The following CSMD1 variants were observed in gnomAD, a reference collection of about 807,000 sequenced individuals.
CSMD1 encodes CUB and Sushi multiple domains 1, also known as CUB and sushi domain-containing protein 1.
CSMD1 carries 213 observed loss-of-function variants against 417.5 expected under a neutral mutation model. That is an observed-to-expected ratio of 0.51 (90% CI 0.46 to 0.57). The LOEUF is 0.57. Ranked by LOEUF, CSMD1 falls within the 20% of genes least tolerant of loss-of-function variation. The pLI, the probability that CSMD1 is intolerant of heterozygous loss-of-function variation, is 0.00. For missense variants in CSMD1, 6,923 were observed against 4,529.7 expected (o/e 1.53, Z -15.17); for synonymous variants, 2,862 against 1,736.8 (o/e 1.65, Z -16.11).
intron 3 of CSMD1, among the ~76,000 whole-genome samples, chr8:4,291,709 A>C (rs1421362343): frequency 6.6e-6 from 1 of 152,218 alleles, no homozygotes; most frequent in East Asian, 1.9e-4. Context: ...TAAAATTCAT[A>C]AACCCAGTCT....
chr8:3,498,920 T>C (rs552741568), intron 10 of CSMD1, among the ~76,000 whole-genome samples: 1 of 149,806 alleles, frequency 6.7e-6, no homozygotes, highest in Non-Finnish European at 1.5e-5. Flanking sequence ...GAATTGTCTA[T>C]TTTTATTCTA....
At chr8:4,089,949 T>C (rs1423294239) in intron 3 of CSMD1, among the ~76,000 whole-genome samples, 2 of 152,204 alleles carry the variant, frequency 1.3e-5, no homozygotes, top group South Asian at 2.1e-4. Flanking sequence ...TATTGTTGAA[T>C]ACGTTGCTGA....
chr8:4,738,903 T>TTGTGTGTGTGTGTGTGTGTG (rs34836566), intron 1 of CSMD1, among the ~76,000 whole-genome samples: 8,442 of 147,398 alleles, frequency 0.057, 263 homozygotes, highest in Admixed American at 0.066. Flanking sequence ...TTCTGTGTGT[T>TTGTGTGTGTGTGTGTGTGTG]TGTGTGTGTG....
chr8:2,981,885 G>A (rs2128940070), intron 54 of CSMD1, among the ~76,000 whole-genome samples: 1 of 152,276 alleles, frequency 6.6e-6, no homozygotes, highest in South Asian at 2.1e-4. Flanking sequence ...AAAGGCATCA[G>A]CATTCCTTGG....
chr8:4,454,783 A>C (rs950561126), intron 2 of CSMD1, among the ~76,000 whole-genome samples: 3 of 152,238 alleles, frequency 2.0e-5, no homozygotes, highest in African/African-American at 7.2e-5. Flanking sequence ...TTCTAAAGGC[A>C]CTTAAGCTAC....
chr8:3,453,566 T>C (rs747084291), intron 12 of CSMD1, among the ~76,000 whole-genome samples: 2 of 152,230 alleles, frequency 1.3e-5, no homozygotes, highest in Non-Finnish European at 1.5e-5. Flanking sequence ...CATTTCGTTA[T>C]GTACCAAGTA....
At chr8:3,581,685 T>G (rs7815248) in intron 9 of CSMD1, among the ~76,000 whole-genome samples, 10,920 of 152,256 alleles carry the variant, frequency 0.072, 1,212 homozygotes, top group African/African-American at 0.24. Flanking sequence ...CCAGGGGCAT[T>G]TTATTGCATT....
chr8:3,914,362 T>G (rs1188031873), intron 5 of CSMD1, among the ~76,000 whole-genome samples: 1 of 151,788 alleles, frequency 6.6e-6, no homozygotes, highest in Non-Finnish European at 1.5e-5. Context: ...CCCATTACGT[T>G]GGATAGATGT....
At chr8:4,352,522 C>T (rs1801156698) in intron 3 of CSMD1, among the ~76,000 whole-genome samples, 1 of 152,106 alleles carries the variant, frequency 6.6e-6, no homozygotes, top group South Asian at 2.1e-4. Context: ...TGAAATTTTC[C>T]AGTTGCAAAA....
intron 68 of CSMD1, among the ~76,000 whole-genome samples, chr8:2,944,847 C>T (rs992038452): frequency 6.6e-6 from 1 of 151,898 alleles, no homozygotes; most frequent in African/African-American, 2.4e-5. Context: ...ACCACAGTTA[C>T]TTTTTTTAAT....
At chr8:3,871,582 T>G (rs1186441260) in intron 5 of CSMD1, among the ~76,000 whole-genome samples, 1 of 152,204 alleles carries the variant, frequency 6.6e-6, no homozygotes, top group African/African-American at 2.4e-5. Context: ...ATAATTTTTA[T>G]ATATTAGGAA....
chr8:4,891,015 A>C (rs1214946761), intron 1 of CSMD1, among the ~76,000 whole-genome samples: 2 of 152,120 alleles, frequency 1.3e-5, no homozygotes, highest in Non-Finnish European at 1.5e-5. Context: ...CTCTCCAAAT[A>C]AATAGATATG....
chr8:3,281,527 C>T (rs1319663290), intron 26 of CSMD1, among the ~76,000 whole-genome samples: 1 of 152,106 alleles, frequency 6.6e-6, no homozygotes, highest in Non-Finnish European at 1.5e-5. Flanking sequence ...TCCGTACAGC[C>T]ATGAAAAGAC....
chr8:3,567,637 A>G (rs902431388), intron 10 of CSMD1, among the ~76,000 whole-genome samples: 2 of 151,912 alleles, frequency 1.3e-5, no homozygotes, highest in Non-Finnish European at 2.9e-5. Flanking sequence ...TATCAGCTCA[A>G]ATTCCCAGCC....
intron 1 of CSMD1, among the ~76,000 whole-genome samples, chr8:4,652,834 C>A (rs1471899010): frequency 6.6e-6 from 1 of 152,058 alleles, no homozygotes; most frequent in African/African-American, 2.4e-5. Context: ...AAAGACTGCA[C>A]AAACTAGATC....
chr8:3,081,719 G>A (rs1217731721), intron 49 of CSMD1, among the ~76,000 whole-genome samples: 1 of 152,144 alleles, frequency 6.6e-6, no homozygotes, highest in Non-Finnish European at 1.5e-5. Flanking sequence ...ATTTATTACA[G>A]CAGATAGTCT....
intron 10 of CSMD1, among the ~76,000 whole-genome samples, chr8:3,554,088 C>T (rs867271527): frequency 1.3e-5 from 2 of 152,144 alleles, no homozygotes; most frequent in East Asian, 1.9e-4. Context: ...TTATATTATG[C>T]GTTCTTCATG....
At chr8:3,060,663 G>A (rs1328723673) in intron 49 of CSMD1, among the ~76,000 whole-genome samples, 1 of 152,088 alleles carries the variant, frequency 6.6e-6, no homozygotes, top group African/African-American at 2.4e-5. Flanking sequence ...GAAACAATCA[G>A]GTATTTCAAA....
In CSMD1 at chr8:4,994,466, G is replaced by A. The variant is rs373538660; in HGVS notation, c.-50C>T. 3 of 1,536,758 alleles carry A rather than the reference G, an allele frequency of 2.0e-6. No homozygotes were observed. The highest frequency in any genetic ancestry group is 1.7e-5 in the Admixed American group (1 of 59,242). ...CGACACCGATGGCTCCTCCGAGGAA[G>A]GCAGGGCTATGAGCGGAGCCAAATA... On this transcript the variant is annotated 5_prime_UTR_variant, in exon 1 of 70. Transcript: ENST00000635120.
Sources: gnomAD v4.1 joint callset for allele counts (sites outside exome capture counted in the v4.1 genomes callset) on GRCh38, gnomAD v4.1.1 for gene constraint, MANE v1.5 for transcripts, NCBI Gene and HGNC (gene_info 2026-07-23, HGNC 2026-07-21) for gene names.